Variants in GATAD2A observed in about 807,000 individuals in gnomAD.
GATAD2A encodes transcriptional repressor p66-alpha.
In GATAD2A, 12 loss-of-function variants were observed where a neutral mutation model predicts 68.5. The observed-to-expected ratio is 0.18, with a 90% CI of 0.11 to 0.28. The LOEUF (loss-of-function observed/expected upper bound fraction) is 0.28. Ranked by LOEUF, GATAD2A falls within the 10% of genes least tolerant of loss-of-function variation. GATAD2A has a pLI of 1.00. For missense variants in GATAD2A, 755 were observed against 868.5 expected (o/e 0.87, Z 1.64); for synonymous variants, 410 against 375.3 (o/e 1.09, Z -1.07).
At position 19,502,008 on chromosome 19, in the gene GATAD2A, G is replaced by A; in HGVS notation, c.1543G>A (p.Glu515Lys). 6.2e-7 allele frequency: 1 copy of A among 1,614,010 alleles called. No homozygotes were observed. Among genetic ancestry groups the A allele is most frequent in the East Asian group, 2.2e-5 (1 of 44,882 alleles). The change falls in exon 10 of 12, where the codon GAG becomes AAG. Residue 515 changes from glutamate to lysine, a missense_variant. Glu to Lys is a moderately conservative substitution (Grantham distance 56, BLOSUM62 1). Transcript: ENST00000683918. ...PRRKLAFRSG[E>K]ARDWSNGAVL... ...GCGTAAGTTGGCGTTCCGCTCAGGA[G>A]AGGCCCGCGACTGGAGTAACGGGGC...
intron 2 of GATAD2A, among the ~76,000 whole-genome samples, chr19:19,488,081 G>A (rs1451999584): frequency 1.3e-5 from 2 of 152,174 alleles, no homozygotes; most frequent in African/African-American, 2.4e-5. Context: ...AAGACTTGGG[G>A]GATCTTGCTG....
intron 2 of GATAD2A, among the ~76,000 whole-genome samples, chr19:19,486,976 C>A (rs908602343): frequency 6.6e-6 from 1 of 152,222 alleles, no homozygotes; most frequent in South Asian, 2.1e-4. Context: ...TGCCGGCAGT[C>A]GTTTGAAGTC....
chr19:19,479,831 C>CTTTTTT (rs35537344), intron 2 of GATAD2A, among the ~76,000 whole-genome samples: 44 of 85,556 alleles, frequency 5.1e-4, no homozygotes, highest in South Asian at 1.3e-3. Context: ...GTGGCCCACT[C>CTTTTTT]TTTTTTTTTT....
chr19:19,498,362 G>A lies in GATAD2A; in HGVS notation c.925-81G>A, dbSNP rs576456938. The A allele has an allele frequency of 1.2e-4, 161 of 1,339,844 alleles. No individual in the cohort carries two copies. The African/African-American group carries it at 2.1e-3, about 18-fold the overall frequency. 83.0% of individuals were successfully genotyped at this position (1,339,844 alleles called of 1,614,324 possible). On this transcript the variant is annotated intron_variant, in intron 7 of 11. Transcript: ENST00000683918. ...GGGTACTGGTTAGTGCAGTTGACAG[G>A]ACCTCGGGCTTCGGGGCGCTGGGGA...
chr19:19,416,765 C>CTTTTTTT (rs1026312560), intron 1 of GATAD2A, among the ~76,000 whole-genome samples: 1 of 149,370 alleles, frequency 6.7e-6, no homozygotes, highest in Non-Finnish European at 1.5e-5. Context: ...TTTTTTTAAA[C>CTTTTTTT]TTTTTTTTTG....
chr19:19,501,900 C>T, intron 9 of GATAD2A, 69 bp from the exon 10 acceptor site: 2 of 1,229,864 alleles, frequency 1.6e-6, no homozygotes, highest in South Asian at 1.2e-5. Flanking sequence ...TCCTGTGGGG[C>T]TCACCCTCGG....
Position 19,432,520 on chromosome 19 carries a change from C to T in GATAD2A, c.-7+26501C>T, listed in dbSNP as rs533785100. 1.4e-4 allele frequency among the ~76,000 whole-genome samples: 21 copies of T among 152,050 alleles called. No individual in the cohort carries two copies. In the South Asian group the frequency reaches 3.9e-3, roughly 29 times the overall value. ...TTCGCCATGTTGGCCAGGATGGTTT[C>T]GAACCCCTGACCTCAAGTGATCCAC... On this transcript the variant is annotated intron_variant, in intron 1 of 11. Coordinates refer to ENST00000683918, the MANE Select transcript of GATAD2A (RefSeq NM_001384528.1).
chr19:19,474,454 CTT>C (rs1272060072), intron 2 of GATAD2A, among the ~76,000 whole-genome samples: 3 of 152,238 alleles, frequency 2.0e-5, no homozygotes, highest in Non-Finnish European at 4.4e-5. Flanking sequence ...GGTCTTGCCT[CTT>C]TTCCGGTTTT....
At chr19:19,490,002 C>T (rs912041911) in intron 2 of GATAD2A, among the ~76,000 whole-genome samples, 13 of 152,120 alleles carry the variant, frequency 8.5e-5, no homozygotes, top group African/African-American at 1.9e-4. Context: ...GGCATGGGGC[C>T]GGCAGCAAGG....
At chr19:19,471,985 A>G (rs1008237076) in intron 2 of GATAD2A, among the ~76,000 whole-genome samples, 2 of 151,994 alleles carry the variant, frequency 1.3e-5, no homozygotes, top group Non-Finnish European at 2.9e-5. Context: ...AGCCTTGAAC[A>G]CCTCGGCTCA....
intron 1 of GATAD2A, among the ~76,000 whole-genome samples, chr19:19,456,864 T>TTG (rs1257805117): frequency 6.6e-6 from 1 of 152,184 alleles, no homozygotes; most frequent in Non-Finnish European, 1.5e-5. Flanking sequence ...CTGGGTACTT[T>TTG]TGTGCCTTGG....
upstream of GATAD2A, among the ~76,000 whole-genome samples, chr19:19,405,408 GC>G (rs1264810460): frequency 6.6e-6 from 1 of 152,212 alleles, no homozygotes. Context: ...CTTGGGTGCG[GC>G]CCGCCCGGCT....
chr19:19,496,001 C>G (rs781180125), intron 6 of GATAD2A, 51 bp from the exon 7 acceptor site: 22 of 1,595,396 alleles, frequency 1.4e-5, no homozygotes, highest in Non-Finnish European at 1.7e-5. Flanking sequence ...CGGTCCCGCT[C>G]CATTGTTGAT....
Position 19,388,571 on chromosome 19 carries a change from G to T in GATAD2A, c.-7+2433G>T, listed in dbSNP as rs150137930. On this transcript the variant is annotated intron_variant, in intron 1 of 11. Transcript: ENST00000360315. Reference sequence around the variant, plus strand: ...CCTCTAAGACCTGCTAGATTTGGGGGAGCAGGAGCTGCTACTAGATGACCA... The same window carrying T: ...CCTCTAAGACCTGCTAGATTTGGGGTAGCAGGAGCTGCTACTAGATGACCA... 5.3e-3 allele frequency among the ~76,000 whole-genome samples: 799 copies of T among 152,030 alleles called. 6 individuals are homozygous for T. Among genetic ancestry groups the T allele is most frequent in the South Asian group, 0.041 (197 of 4,814 alleles).
intron 1 of GATAD2A, among the ~76,000 whole-genome samples, chr19:19,454,901 G>A (rs1486531005): frequency 6.6e-6 from 1 of 152,208 alleles, no homozygotes; most frequent in African/African-American, 2.4e-5. Flanking sequence ...TTGTTCAGGA[G>A]AAACACTAGG....
Position 19,505,399 on chromosome 19 carries a change from C to T in GATAD2A, c.1830C>T (p.Ala610=), listed in dbSNP as rs746618221. The T allele has an allele frequency of 1.6e-5, 25 of 1,612,638 alleles. No homozygotes were observed. The highest frequency in any genetic ancestry group is 2.7e-5 in the African/African-American group (2 of 74,876). The change falls in exon 12 of 12, where the codon GCC becomes GCT. Residue 610 remains alanine, a synonymous_variant. Coordinates refer to ENST00000683918, the MANE Select transcript of GATAD2A (RefSeq NM_001384528.1). ...PSLAVHKSSS[A]VDRQREYLLD... ...TGGCGGTGCACAAGAGCTCCTCGGC[C>T]GTGGACCGCCAGCGAGAGTACCTCC...
chr19:19,403,559 C>G (rs1011087325), upstream of GATAD2A, among the ~76,000 whole-genome samples: 1 of 150,650 alleles, frequency 6.6e-6, no homozygotes, highest in Non-Finnish European at 1.5e-5. Context: ...ATGCCTCCCT[C>G]TTAAAAAAAA....
At position 19,502,052 on chromosome 19, in the gene GATAD2A, C is replaced by T. The variant is rs771228729; in HGVS notation, c.1578+9C>T. On this transcript the variant is annotated intron_variant, in intron 10 of 11. Coordinates refer to ENST00000683918, the MANE Select transcript of GATAD2A (RefSeq NM_001384528.1). ...ACGGGGCTGTGCTACAGGTCAGAAC[C>T]GCACTGGGCGCCGGGAGCCTCGCGC... The T allele has an allele frequency of 1.4e-5, 23 of 1,607,462 alleles. No individual in the cohort carries two copies. The highest frequency in any genetic ancestry group is 1.2e-4 in the Admixed American group (7 of 59,826).
chr19:19,457,592 T>A (rs2057049481), intron 1 of GATAD2A, among the ~76,000 whole-genome samples: 1 of 151,896 alleles, frequency 6.6e-6, no homozygotes, highest in Admixed American at 6.6e-5. Flanking sequence ...ATACAAAAAA[T>A]TAGCCGGGCG....
Sources: gnomAD v4.1 joint callset for allele counts (sites outside exome capture counted in the v4.1 genomes callset) on GRCh38, gnomAD v4.1.1 for gene constraint, MANE v1.5 for transcripts, NCBI Gene and HGNC (gene_info 2026-07-23, HGNC 2026-07-21) for gene names.